MYD88: variants seen among roughly 807,000 people sequenced by gnomAD.
MYD88 encodes myeloid differentiation primary response protein MyD88.
A neutral mutation model predicts 31.1 loss-of-function variants in MYD88; 15 were observed. The observed-to-expected ratio is 0.48, with a 90% confidence interval of 0.32 to 0.74. MYD88 has a LOEUF of 0.74. Among genes scored for constraint, MYD88 ranks in the 30% least tolerant of loss-of-function variants. The pLI is 0.03. For synonymous variants in MYD88, 157 were observed against 158.8 expected (o/e 0.99, Z 0.08); for missense variants, 308 against 387.4 (o/e 0.79, Z 1.72).
chr3:38,140,601 A>C (rs1470947843), intron 3 of MYD88, 33 bp downstream of exon 3: 1 of 1,613,706 alleles, frequency 6.2e-7, no homozygotes, highest in African/African-American at 1.3e-5. Context: ...GGGTGCGTGG[A>C]TGCATGAAGC....
At position 38,139,115 on chromosome 3, in the gene MYD88, A is replaced by G. The variant is rs1701011505; in HGVS notation, c.328+87A>G. The G allele has an allele frequency of 6.8e-7, 1 of 1,475,074 alleles. No individual in the cohort carries two copies. The highest frequency in any genetic ancestry group is 9.0e-7 in the Non-Finnish European group (1 of 1,113,854). 91.4% of individuals were successfully genotyped at this position (1,475,074 alleles called of 1,614,324 possible). ...TCAGCATCCTGTCTCCCATGGAGAG[A>G]CCCCATTTCCTGCCTCGGGGGCCCG... On this transcript the variant is annotated intron_variant, in intron 1 of 4. Transcript: ENST00000650905. The surrounding 1 kb of genome is among the most constrained non-coding windows in gnomAD (Gnocchi z 4.7).
Position 38,139,772 on chromosome 3 carries a change from C to G in MYD88, c.329-92C>G. ...GGGGAAGCCCTCTAGAACAACCCAG[C>G]CAGAGGAGGTGGGACAGCGGCTGGA... is the stretch of plus-strand genomic sequence containing the variant. On this transcript the variant is annotated intron_variant, in intron 1 of 4. Coordinates refer to ENST00000650905, the MANE Select transcript of MYD88 (RefSeq NM_002468.5). This position sits in a 1 kb window ranked among gnomAD's most constrained non-coding sequence, Gnocchi z 4.7. 6.4e-7 allele frequency: 1 copy of G among 1,552,512 alleles called. No homozygotes were observed. Among genetic ancestry groups the G allele is most frequent in the Admixed American group, 1.7e-5 (1 of 57,776 alleles).
chr3:38,139,977 A>G lies in MYD88; in HGVS notation c.442A>G (p.Thr148Ala). 1.2e-6 allele frequency: 2 copies of G among 1,613,664 alleles called. No homozygotes were observed. Among genetic ancestry groups the G allele is most frequent in the Non-Finnish European group, 1.7e-6 (2 of 1,179,888 alleles). The change falls in exon 2 of 5, where the codon ACC becomes GCC. Residue 148 changes from threonine to alanine, a missense_variant. Coordinates refer to ENST00000650905, the MANE Select transcript of MYD88 (RefSeq NM_002468.5). The surrounding 1 kb of genome is among the most constrained non-coding windows in gnomAD (Gnocchi z 4.7). ...VPRTAELAGI[T>A]TLDDPLGHMP... ...ACGGACAGCAGAGCTGGCGGGCATC[A>G]CCACACTTGATGACCCCCTGGGTAA...
At position 38,139,730 on chromosome 3, in the gene MYD88, C is replaced by A; in HGVS notation, c.329-134C>A. On this transcript the variant is annotated intron_variant, in intron 1 of 4. Transcript: ENST00000650905. The surrounding 1 kb of genome is among the most constrained non-coding windows in gnomAD (Gnocchi z 4.7). The stretch of plus-strand genomic sequence containing the variant: ...AACTTCTCAGAGCCGTTGAGCTTCG[C>A]GTGGCACCAGTGAACTGGGGAAGCC... 1 of 1,148,452 alleles carries A rather than the reference C, an allele frequency of 8.7e-7. No individual in the cohort carries two copies. Among genetic ancestry groups the A allele is most frequent in the Non-Finnish European group, 1.3e-6 (1 of 787,246 alleles). The allele number at this position is 1,148,452 out of a possible 1,614,324, so 71.1% of individuals were successfully genotyped here.
In MYD88 at chr3:38,140,762, G is replaced by A. The variant is rs1321587413; in HGVS notation, c.650G>A (p.Arg217His). 11 of 1,614,146 alleles carry A rather than the reference G, an allele frequency of 6.8e-6. No individual in the cohort carries two copies. The highest frequency in any genetic ancestry group is 3.3e-5 in the Admixed American group (2 of 60,018). Residue 217 changes from arginine to histidine, a missense_variant, in exon 4 of 5, where the codon CGC becomes CAC. Arg to His is a conservative substitution (Grantham distance 29). Coordinates refer to ENST00000650905, the MANE Select transcript of MYD88 (RefSeq NM_002468.5). Reference protein sequence around the residue: ...IASELIEKRCRRMVVVVSDDY... With the variant: ...IASELIEKRCHRMVVVVSDDY... Reference sequence around the variant, plus strand: ...GCCTGCCCACTCTCCCCTAGGTGCCGCCGGATGGTGGTGGTTGTCTCTGAT... The same window carrying A: ...GCCTGCCCACTCTCCCCTAGGTGCCACCGGATGGTGGTGGTTGTCTCTGAT...
chr3:38,140,560 C>A lies in MYD88; in HGVS notation c.636C>A (p.Ile212=), dbSNP rs765429031. ...TCVWSIASEL[I]EKRCRRMVVV... ...TCTGGTCTATTGCTAGTGAGCTCAT[C>A]GAAAAGAGGTTGGCTAGAAGGCCAC... is the stretch of plus-strand genomic sequence containing the variant. The change falls in exon 3 of 5, where the codon ATC becomes ATA. Residue 212 remains isoleucine, a synonymous_variant. Transcript: ENST00000650905. The A allele has an allele frequency of 6.2e-7, 1 of 1,614,160 alleles. No homozygotes were observed. Among genetic ancestry groups the A allele is most frequent in the Non-Finnish European group, 8.5e-7 (1 of 1,180,016 alleles).
intron 4 of MYD88, 110 bp downstream of exon 4, chr3:38,140,958 G>A: frequency 7.4e-7 from 1 of 1,358,618 alleles, no homozygotes; most frequent in Non-Finnish European, 1.1e-6. Context: ...AAGAACTGCT[G>A]AAGATCTCTG....
At chr3:38,141,040 G>A in intron 4 of MYD88, 92 bp from the exon 5 acceptor site, 3 of 1,562,430 alleles carry the variant, frequency 1.9e-6, no homozygotes, top group Non-Finnish European at 2.6e-6. Context: ...CTTAGATGGG[G>A]GATGGCTGTT....
In MYD88 at chr3:38,141,163, G is replaced by A. The variant is rs1559485193; in HGVS notation, c.768G>A (p.Lys256=). 1 of 1,614,206 alleles carries A rather than the reference G, an allele frequency of 6.2e-7. No homozygotes were observed. The highest frequency in any genetic ancestry group is 8.5e-7 in the Non-Finnish European group (1 of 1,180,032). Residue 256 remains lysine, a synonymous_variant, in exon 5 of 5, where the codon AAG becomes AAA. Transcript: ENST00000650905. ...ATCAGAAGCGACTGATCCCCATCAA[G>A]TACAAGGCAATGAAGAAAGAGTTCC... The part of the protein sequence containing the change: ...GAHQKRLIPI[K]YKAMKKEFPS...
Position 38,141,420 on chromosome 3 carries a change from G to A in MYD88, c.*134G>A. 1.7e-6 allele frequency: 2 copies of A among 1,206,234 alleles called. No homozygotes were observed. Among genetic ancestry groups the A allele is most frequent in the South Asian group, 1.2e-5 (1 of 81,868 alleles). The allele number at this position is 1,206,234 out of a possible 1,614,324, so 74.7% of individuals were successfully genotyped here. A position where few individuals can be genotyped will look rare whatever the true frequency, so the allele number is the denominator to read the frequency against. ...AATTCCTGGAGATGCCAACTTCACA[G>A]ACACGTCTGCAGCAGCTGGACATCA... On this transcript the variant is annotated 3_prime_UTR_variant, in exon 5 of 5. Transcript: ENST00000650905.
chr3:38,142,035 T>TACG lies in MYD88; in HGVS notation c.*749_*750insACG. 2 of 236,086 alleles carry TACG rather than the reference T, an allele frequency of 8.5e-6. No individual in the cohort carries two copies. The highest frequency in any genetic ancestry group is 5.4e-5 in the Admixed American group (1 of 18,412). The allele number at this position is 236,086 out of a possible 1,614,324, so 14.6% of individuals were successfully genotyped here. On this transcript the variant is annotated 3_prime_UTR_variant, in exon 5 of 5. Transcript: ENST00000650905. The stretch of plus-strand genomic sequence containing the variant: ...TGCTTTTCATTTCCACCTGTCAGGA[T>TACG]GCCTGTGGTCATGCTCTCAGCTCCA...
In MYD88 at chr3:38,139,929, G is replaced by A. The variant is rs189773684; in HGVS notation, c.394G>A (p.Ala132Thr). ...QEEAEKPLQV[A>T]AVDSSVPRTA... Reference sequence around the variant, plus strand: ...GGAGGCTGAGAAGCCTTTACAGGTGGCCGCTGTAGACAGCAGTGTCCCACG... The same window carrying A: ...GGAGGCTGAGAAGCCTTTACAGGTGACCGCTGTAGACAGCAGTGTCCCACG... Residue 132 changes from alanine to threonine, a missense_variant, in exon 2 of 5, where the codon GCC (alanine) becomes ACC (threonine). Physicochemically the swap from Ala to Thr is moderately conservative, Grantham distance 58 (BLOSUM62 0). Coordinates refer to ENST00000650905, the MANE Select transcript of MYD88 (RefSeq NM_002468.5). The surrounding 1 kb of genome is among the most constrained non-coding windows in gnomAD (Gnocchi z 4.7). 95 of 1,613,674 alleles carry A rather than the reference G, an allele frequency of 5.9e-5. No individual in the cohort carries two copies. The Admixed American group carries it at 1.5e-3, about 26-fold the overall frequency.
chr3:38,139,045 C>G lies in MYD88; in HGVS notation c.328+17C>G, dbSNP rs759308273. 6 of 1,597,348 alleles carry G rather than the reference C, an allele frequency of 3.8e-6. No individual in the cohort carries two copies. The South Asian group carries it at 6.6e-5, about 18-fold the overall frequency. On this transcript the variant is annotated intron_variant, in intron 1 of 4. Coordinates refer to ENST00000650905, the MANE Select transcript of MYD88 (RefSeq NM_002468.5). This position sits in a 1 kb window ranked among gnomAD's most constrained non-coding sequence, Gnocchi z 4.7. ...CCAGCATTGGTGAGGACGTCCCCTT[C>G]CTGGCCTCGTACCTGGGGGGTGAGG...
Position 38,139,186 on chromosome 3 carries a change from A to G in MYD88, c.328+158A>G. On this transcript the variant is annotated intron_variant, in intron 1 of 4. Transcript: ENST00000650905. This position sits in a 1 kb window ranked among gnomAD's most constrained non-coding sequence, Gnocchi z 4.7. ...ACCATGCGGGTCCCGTTCCTTCTTA[A>G]TAACCGGTCGCGGTTATTAAGAAGG... is the stretch of plus-strand genomic sequence containing the variant. The G allele has an allele frequency of 9.7e-7, 1 of 1,029,948 alleles. No homozygotes were observed. The highest frequency in any genetic ancestry group is 1.4e-6 in the Non-Finnish European group (1 of 730,970). 63.8% of individuals were successfully genotyped at this position (1,029,948 alleles called of 1,614,324 possible). A position where few individuals can be genotyped will look rare whatever the true frequency, so the allele number is the denominator to read the frequency against.
rs372072898 is a variant in MYD88 at position 38,138,806 on chromosome 3, T to C, written c.106T>C (p.Phe36Leu). 1.2e-5 allele frequency: 19 copies of C among 1,613,532 alleles called. No homozygotes were observed. In the African/African-American group the frequency reaches 2.5e-4, roughly 22 times the overall value. ...NMRVRRRLSLFLNVRTQVAAD... is the reference protein window; with the variant it reads ...NMRVRRRLSLLLNVRTQVAAD... The stretch of plus-strand genomic sequence containing the variant: ...GCGAGTGCGGCGCCGCCTGTCTCTG[T>C]TCTTGAACGTGCGGACACAGGTGGC... Residue 36 changes from phenylalanine to leucine, a missense_variant, in exon 1 of 5, where the codon TTC (phenylalanine) becomes CTC (leucine). Physicochemically the swap from Phe to Leu is conservative, Grantham distance 22 (BLOSUM62 0). Coordinates refer to ENST00000650905, the MANE Select transcript of MYD88 (RefSeq NM_002468.5). This position sits in a 1 kb window ranked among gnomAD's most constrained non-coding sequence, Gnocchi z 6.4.
Position 38,142,905 on chromosome 3 carries a change from C to G in MYD88, c.*1619C>G, listed in dbSNP as rs367636621. 4.3e-6 allele frequency: 1 copy of G among 233,062 alleles called. No homozygotes were observed. Among genetic ancestry groups the G allele is most frequent in the Non-Finnish European group, 8.5e-6 (1 of 118,034 alleles). The allele number at this position is 233,062 out of a possible 1,614,324, so 14.4% of individuals were successfully genotyped here. A position where few individuals can be genotyped will look rare whatever the true frequency, so the allele number is the denominator to read the frequency against. ...AGAGGCATCTTCTACATGTTTTGTA[C>G]GCATTAAAATAATTTCAAAGATATC... is the stretch of plus-strand genomic sequence containing the variant. On this transcript the variant is annotated 3_prime_UTR_variant, in exon 5 of 5. Coordinates refer to ENST00000650905, the MANE Select transcript of MYD88 (RefSeq NM_002468.5).
Position 38,141,518 on chromosome 3 carries a change from A to G in MYD88, c.*232A>G. 3.2e-6 allele frequency: 2 copies of G among 626,590 alleles called. No homozygotes were observed. Among genetic ancestry groups the G allele is most frequent in the East Asian group, 2.9e-5 (1 of 34,934 alleles). 38.8% of individuals were successfully genotyped at this position (626,590 alleles called of 1,614,324 possible). On this transcript the variant is annotated 3_prime_UTR_variant, in exon 5 of 5. Transcript: ENST00000650905. ...TTGCTGGATTATCAGCCAGGACACT[A>G]TAGAACAGGACCAGCTGAGACTAAG... is the stretch of plus-strand genomic sequence containing the variant.
chr3:38,140,472 AACAG>A lies in MYD88; in HGVS notation c.552_555del (p.Asn186IlefsTer3), dbSNP rs1275635349. ...GTGCAGGAGATGATCCGGCAACTGG[AACAG>A]ACAAACTATCGACTGAAGTTGTGTG... On this transcript the variant is annotated frameshift_variant, in exon 3 of 5. Coordinates refer to ENST00000650905, the MANE Select transcript of MYD88 (RefSeq NM_002468.5). LOFTEE classifies it high-confidence loss of function. 1 of 1,614,246 alleles carries A rather than the reference AACAG, an allele frequency of 6.2e-7. No homozygotes were observed. The highest frequency in any genetic ancestry group is 8.5e-7 in the Non-Finnish European group (1 of 1,180,042).
Position 38,141,536 on chromosome 3 carries a change from A to G in MYD88, c.*250A>G, listed in dbSNP as rs1422014168. 1.7e-6 allele frequency: 1 copy of G among 577,968 alleles called. No individual in the cohort carries two copies. The highest frequency in any genetic ancestry group is 1.8e-5 in the African/African-American group (1 of 54,106). 35.8% of individuals were successfully genotyped at this position (577,968 alleles called of 1,614,324 possible). ...GGACACTATAGAACAGGACCAGCTGAGACTAAGAAGGACCAGCAGAGCCAG... is the reference window on the plus strand; with the variant it reads ...GGACACTATAGAACAGGACCAGCTGGGACTAAGAAGGACCAGCAGAGCCAG... On this transcript the variant is annotated 3_prime_UTR_variant, in exon 5 of 5. Coordinates refer to ENST00000650905, the MANE Select transcript of MYD88 (RefSeq NM_002468.5).
Sources: gnomAD v4.1 joint callset for allele counts on GRCh38, gnomAD v4.1.1 for gene constraint, Gnocchi (gnomAD v3.1) non-coding constraint, MANE v1.5 for transcripts, NCBI Gene and HGNC (gene_info 2026-07-23, HGNC 2026-07-21) for gene names.